Variants in NSMCE2 observed in about 807,000 individuals in gnomAD.
The protein encoded by NSMCE2 is NSE2 SUMO ligase component of SMC5/6 complex.
A neutral mutation model predicts 23.8 loss-of-function variants in NSMCE2; 24 were observed. The ratio of observed to expected loss-of-function variants is 1.01; its 90% CI spans 0.73 to 1.42. The LOEUF (loss-of-function observed/expected upper bound fraction) is 1.42, where lower values mean the gene tolerates loss of function less well. Among genes scored for constraint, NSMCE2 ranks in the 40% most tolerant of loss-of-function variants. The probability of loss-of-function intolerance (pLI) is 0.00; values close to 1 mark genes in which losing one functional copy is unlikely to be tolerated. For synonymous variants in NSMCE2, 92 were observed against 94.1 expected (o/e 0.98, Z 0.13); for missense variants, 284 against 296.5 (o/e 0.96, Z 0.31).
At chr8:125,099,157 A>C (rs1011041846) in intron 1 of NSMCE2, among the ~76,000 whole-genome samples, 4 of 152,188 alleles carry the variant, frequency 2.6e-5, no homozygotes, top group African/African-American at 9.7e-5. Context: ...CTTACAGTGT[A>C]ATTGGGGACT....
At chr8:125,212,588 A>G (rs1824394435) in intron 5 of NSMCE2, among the ~76,000 whole-genome samples, 1 of 152,216 alleles carries the variant, frequency 6.6e-6, no homozygotes, top group African/African-American at 2.4e-5. Flanking sequence ...GTTGGAAGTC[A>G]TTGCCAGAGT....
chr8:125,307,981 C>G (rs552198864), intron 5 of NSMCE2, among the ~76,000 whole-genome samples: 1 of 152,162 alleles, frequency 6.6e-6, no homozygotes, highest in Admixed American at 6.5e-5. Context: ...TTTTTTTTAA[C>G]TGCCAAATCT....
At chr8:125,301,471 G>A (rs573628860) in intron 5 of NSMCE2, among the ~76,000 whole-genome samples, 28 of 152,054 alleles carry the variant, frequency 1.8e-4, no homozygotes, top group Non-Finnish European at 3.5e-4. Flanking sequence ...CATGGAGGTG[G>A]CGGTGGGGTG....
chr8:125,213,675 TTCTC>T (rs1270839300), intron 5 of NSMCE2, among the ~76,000 whole-genome samples: 4 of 117,270 alleles, frequency 3.4e-5, no homozygotes, highest in Middle Eastern at 4.9e-3. Context: ...CTTTCTCTCT[TTCTC>T]TCTCTCTTTC....
intron 5 of NSMCE2, among the ~76,000 whole-genome samples, chr8:125,312,075 T>TAAAAAA (rs56906621): frequency 3.8e-4 from 38 of 98,882 alleles, no homozygotes; most frequent in Middle Eastern, 5.5e-3. Flanking sequence ...CCATCTCAAT[T>TAAAAAA]AAAAAAAAAA....
At chr8:125,290,465 A>AT (rs370157850) in intron 5 of NSMCE2, among the ~76,000 whole-genome samples, 1,702 of 149,600 alleles carry the variant, frequency 0.011, 25 homozygotes, top group African/African-American at 0.032. Context: ...CATGACTTGC[A>AT]TTTTTTTTTT....
intron 3 of NSMCE2, among the ~76,000 whole-genome samples, chr8:125,116,599 T>G (rs1819015868): frequency 6.6e-6 from 1 of 152,124 alleles, no homozygotes; most frequent in East Asian, 1.9e-4. Context: ...TGTGCACACA[T>G]GGGAGTGTCT....
At chr8:125,365,899 A>T (rs1352506312) in intron 7 of NSMCE2, among the ~76,000 whole-genome samples, 2 of 152,098 alleles carry the variant, frequency 1.3e-5, no homozygotes, top group Non-Finnish European at 2.9e-5. Flanking sequence ...CCAAAGCCCC[A>T]TTGGCGCACT....
intron 5 of NSMCE2, among the ~76,000 whole-genome samples, chr8:125,350,850 G>A (rs1036019015): frequency 2.0e-5 from 3 of 152,206 alleles, no homozygotes; most frequent in Non-Finnish European, 4.4e-5. Context: ...CAGGGACAGA[G>A]TCACATGGGG....
rs10578122 is a variant in NSMCE2, at chr8:125,129,544, CTGTG to C, written c.158-21595_158-21592del. On this transcript the variant is annotated intron_variant, in intron 3 of 7. Coordinates refer to ENST00000287437, the MANE Select transcript of NSMCE2 (RefSeq NM_173685.4). Reference sequence around the variant, plus strand: ...GATAGTGTTAGGAAAAGATTTGGCTCTGTGTGTGTGTGTGTGTGTGTGTGTGTGT... The same window carrying C: ...GATAGTGTTAGGAAAAGATTTGGCTCTGTGTGTGTGTGTGTGTGTGTGTGT... Among the ~76,000 whole-genome samples the C allele has an allele frequency of 6.6e-3, 959 of 145,434 alleles. 3 individuals are homozygous for C. Among genetic ancestry groups the C allele is most frequent in the East Asian group, 0.023 (114 of 4,956 alleles).
chr8:125,260,619 A>G (rs1021655421), intron 5 of NSMCE2, among the ~76,000 whole-genome samples: 1 of 148,478 alleles, frequency 6.7e-6, no homozygotes, highest in Admixed American at 6.8e-5. Context: ...ATTTCATTTC[A>G]TTTATTTATT....
intron 3 of NSMCE2, among the ~76,000 whole-genome samples, chr8:125,113,160 T>C (rs1289700808): frequency 6.6e-6 from 1 of 152,122 alleles, no homozygotes; most frequent in Non-Finnish European, 1.5e-5. Context: ...ACTGTGTTTA[T>C]TCATTCATTT....
chr8:125,344,466 G>A (rs138722066), intron 5 of NSMCE2, among the ~76,000 whole-genome samples: 207 of 152,118 alleles, frequency 1.4e-3, no homozygotes, highest in African/African-American at 4.7e-3. Flanking sequence ...AATCATGGCC[G>A]GTCACGGTAG....
intron 5 of NSMCE2, chr8:125,348,720 C>CT (rs148445933): frequency 0.055 from 8,324 of 152,186 alleles, 313 homozygotes; most frequent in Non-Finnish European, 0.085. Context: ...GTAAGACGTC[C>CT]TTTTTTTCTT....
chr8:125,229,239 A>G (rs1018544067), intron 5 of NSMCE2, among the ~76,000 whole-genome samples: 2 of 152,214 alleles, frequency 1.3e-5, no homozygotes, highest in Non-Finnish European at 2.9e-5. Context: ...AGAGAGATGC[A>G]AGAGACTGGG....
At chr8:125,175,454 G>T (rs562717145) in intron 4 of NSMCE2, among the ~76,000 whole-genome samples, 2 of 152,332 alleles carry the variant, frequency 1.3e-5, no homozygotes, top group African/African-American at 4.8e-5. Context: ...CTTATCACTA[G>T]TATGTGTCTG....
intron 5 of NSMCE2, among the ~76,000 whole-genome samples, chr8:125,219,036 A>G (rs1824728515): frequency 6.6e-6 from 1 of 152,146 alleles, no homozygotes; most frequent in Non-Finnish European, 1.5e-5. Flanking sequence ...TATCAGAAAA[A>G]TGTGAGTGCT....
At chr8:125,145,824 T>G (rs1452868860) in intron 3 of NSMCE2, among the ~76,000 whole-genome samples, 1 of 152,164 alleles carries the variant, frequency 6.6e-6, no homozygotes, top group Non-Finnish European at 1.5e-5. Context: ...GGAGCTGCTT[T>G]CATCTCTGTT....
At chr8:125,249,821 A>G (rs1477110092) in intron 5 of NSMCE2, among the ~76,000 whole-genome samples, 2 of 152,148 alleles carry the variant, frequency 1.3e-5, no homozygotes, top group Admixed American at 6.6e-5. Context: ...GGTGATCATT[A>G]TTATTATTAT....
Sources: allele counts gnomAD v4.1 joint callset (sites outside exome capture counted in the v4.1 genomes callset), GRCh38; gene constraint gnomAD v4.1.1; transcripts MANE v1.5; gene names NCBI Gene and HGNC (gene_info 2026-07-23, HGNC 2026-07-21).